NPIPB8: variants seen among roughly 807,000 people sequenced by gnomAD.
The protein encoded by NPIPB8 is nuclear pore complex interacting protein family member B8, also known as nuclear pore complex-interacting protein family member B8.
NPIPB8 carries 3 observed loss-of-function variants against 5.3 expected under a neutral mutation model. The ratio of observed to expected loss-of-function variants is 0.57; its 90% confidence interval spans 0.26 to 1.47. NPIPB8 has a LOEUF of 1.47. Among genes scored for constraint, NPIPB8 ranks in the 40% most tolerant of loss-of-function variants. The probability of loss-of-function intolerance (pLI) is 0.13; values close to 1 mark genes in which losing one functional copy is unlikely to be tolerated. For missense variants in NPIPB8, 50 were observed against 50.2 expected, an observed-to-expected ratio of 1.00 and a Z score of 0.01; for synonymous variants, 18 against 23.0, an observed-to-expected ratio of 0.78 and a Z score of 0.62.
At chr16:28,642,619 G>A (rs1567331048) in intron 2 of NPIPB8, among the ~76,000 whole-genome samples, 1 of 150,650 alleles carries the variant, frequency 6.6e-6, no homozygotes, top group Non-Finnish European at 1.5e-5. Context: ...CAAGTAGGTG[G>A]GACTACAGGT....
chr16:28,641,073 T>C (rs1596674507), intron 2 of NPIPB8, among the ~76,000 whole-genome samples: 1 of 151,986 alleles, frequency 6.6e-6, no homozygotes, highest in Non-Finnish European at 1.5e-5. Context: ...GTGTCGTGCA[T>C]GTATTCTGTG....
At chr16:28,642,530 G>C (rs545198281) in intron 2 of NPIPB8, among the ~76,000 whole-genome samples, 1 of 150,882 alleles carries the variant, frequency 6.6e-6, no homozygotes, top group African/African-American at 2.4e-5. Context: ...TGTCGCCTAG[G>C]CTGGAGTGCA....
rs930298765 is a variant in NPIPB8 at position 28,638,577 on chromosome 16, T to A, written c.120+97T>A. The A allele has an allele frequency of 2.0e-5, 29 of 1,425,450 alleles. No individual in the cohort carries two copies. The African/African-American group carries it at 3.5e-4, about 17-fold the overall frequency. The allele number at this position is 1,425,450 out of a possible 1,614,324, so 88.3% of individuals were successfully genotyped here. ...ATAGCGGGTGATGCTGGGGGAAGCT[T>A]ACGCAGTCACAGTACTGGCTTCTTC... On this transcript the variant is annotated intron_variant, in intron 2 of 7. Coordinates refer to ENST00000683297, the MANE Select transcript of NPIPB8 (RefSeq NM_001310136.2).
At chr16:28,639,047 C>A (rs1180819120) in intron 2 of NPIPB8, among the ~76,000 whole-genome samples, 4 of 144,202 alleles carry the variant, frequency 2.8e-5, no homozygotes, top group Non-Finnish European at 3.0e-5. Flanking sequence ...CCAGACTGTG[C>A]GACAGAGCGA....
chr16:28,642,378 A>G (rs2047915471), intron 2 of NPIPB8, among the ~76,000 whole-genome samples: 1 of 152,140 alleles, frequency 6.6e-6, no homozygotes. Context: ...TGCTGGGATT[A>G]CAGGTGTGAG....
chr16:28,638,410 A>T lies in NPIPB8; in HGVS notation c.50A>T (p.Gln17Leu), dbSNP rs2047829718. 2 of 1,573,082 alleles carry T rather than the reference A, an allele frequency of 1.3e-6. No homozygotes were observed. Among genetic ancestry groups the T allele is most frequent in the East Asian group, 4.5e-5 (2 of 44,394 alleles). The part of the protein sequence containing the change: ...VLTPQFLSHD[Q>L]GQLTKELQQH... ...ACCCCACAGTTCCTGTCCCATGACC[A>T]GGGCCAGCTCACCAAGGAGCTGCAG... Residue 17 changes from glutamine (Q) to leucine (L), a missense_variant, in exon 2 of 8, where the codon CAG (glutamine) becomes CTG (leucine). Physicochemically the swap from Gln to Leu is moderately radical, Grantham distance 113. Coordinates refer to ENST00000683297, the MANE Select transcript of NPIPB8 (RefSeq NM_001310136.2).
intron 5 of NPIPB8, among the ~76,000 whole-genome samples, chr16:28,653,703 C>T (rs1410757784): frequency 9.7e-6 from 1 of 103,182 alleles, no homozygotes; most frequent in Non-Finnish European, 1.9e-5. Context: ...TGGGAGTCTA[C>T]TTCTGGGGGA....
At chr16:28,642,353 C>G (rs1050181376) in intron 2 of NPIPB8, among the ~76,000 whole-genome samples, 22 of 152,122 alleles carry the variant, frequency 1.4e-4, no homozygotes, top group Non-Finnish European at 2.2e-4. Context: ...ATCCACCTAC[C>G]TCAGCCTCCC....
At chr16:28,642,274 T>A (rs1184914727) in intron 2 of NPIPB8, among the ~76,000 whole-genome samples, 1 of 151,244 alleles carries the variant, frequency 6.6e-6, no homozygotes, top group Non-Finnish European at 1.5e-5. Context: ...CCTGGCTAAT[T>A]TTTGTATTTT....
intron 2 of NPIPB8, among the ~76,000 whole-genome samples, chr16:28,640,498 T>C (rs963713618): frequency 1.2e-4 from 19 of 152,182 alleles, no homozygotes; most frequent in African/African-American, 4.3e-4. Context: ...CACTCACATC[T>C]CCTGGGTCAA....
intron 2 of NPIPB8, among the ~76,000 whole-genome samples, chr16:28,640,459 T>C (rs1333419425): frequency 6.6e-6 from 1 of 152,028 alleles, no homozygotes; most frequent in Non-Finnish European, 1.5e-5. Flanking sequence ...CTCCCAACTC[T>C]TTTGCCTCGA....
At chr16:28,640,170 G>C (rs909336573) in intron 2 of NPIPB8, among the ~76,000 whole-genome samples, 1 of 151,924 alleles carries the variant, frequency 6.6e-6, no homozygotes, top group African/African-American at 2.4e-5. Context: ...ATGTTCTGAC[G>C]GCAGGCTAGT....
intron 2 of NPIPB8, among the ~76,000 whole-genome samples, chr16:28,640,422 G>A (rs1296200948): frequency 6.6e-6 from 1 of 152,106 alleles, no homozygotes; most frequent in Non-Finnish European, 1.5e-5. Context: ...TCCAAGAGAT[G>A]AAGGAGAGAG....
At chr16:28,639,341 T>G (rs2047849655) in intron 2 of NPIPB8, among the ~76,000 whole-genome samples, 1 of 150,322 alleles carries the variant, frequency 6.7e-6, no homozygotes, top group Admixed American at 6.6e-5. Context: ...GAACATTATC[T>G]TGTCTTTTAA....
At chr16:28,641,109 C>G (rs1033104947) in intron 2 of NPIPB8, among the ~76,000 whole-genome samples, 14 of 151,956 alleles carry the variant, frequency 9.2e-5, no homozygotes, top group African/African-American at 4.8e-5. Context: ...AACACTCTCC[C>G]AAAACATCAT....
At chr16:28,644,812 T>C (rs1299063901) in intron 2 of NPIPB8, among the ~76,000 whole-genome samples, 1 of 85,866 alleles carries the variant, frequency 1.2e-5, no homozygotes, top group Non-Finnish European at 2.4e-5. Flanking sequence ...CAGGGCATCA[T>C]GGCGAAACCC....
At chr16:28,645,048 T>C (rs1410332050) in intron 2 of NPIPB8, among the ~76,000 whole-genome samples, 1 of 119,302 alleles carries the variant, frequency 8.4e-6, no homozygotes, top group Non-Finnish European at 1.8e-5. Context: ...ACTTTTTTTT[T>C]TTTTTTTTTT....
At chr16:28,640,650 G>A (rs913275753) in intron 2 of NPIPB8, among the ~76,000 whole-genome samples, 3 of 152,114 alleles carry the variant, frequency 2.0e-5, no homozygotes, top group African/African-American at 7.2e-5. Context: ...GGGAACTGAT[G>A]GGAAATGACA....
At chr16:28,642,554 G>A (rs1023620480) in intron 2 of NPIPB8, among the ~76,000 whole-genome samples, 10 of 150,882 alleles carry the variant, frequency 6.6e-5, no homozygotes, top group Admixed American at 6.6e-5. Context: ...GTGCAATCTC[G>A]GCTCACTGCA....
Sources: allele counts gnomAD v4.1 joint callset (sites outside exome capture counted in the v4.1 genomes callset), GRCh38; gene constraint gnomAD v4.1.1; transcripts MANE v1.5; gene names NCBI Gene and HGNC (gene_info 2026-07-23, HGNC 2026-07-21).